Variants in RTTN observed in about 807,000 individuals in gnomAD.
RTTN encodes rotatin.
A neutral mutation model predicts 269.2 loss-of-function variants in RTTN; 182 were observed. The observed-to-expected ratio is 0.68, with a 90% CI of 0.60 to 0.76. RTTN has a LOEUF of 0.76. Ranked by LOEUF, RTTN falls within the 30% of genes least tolerant of loss-of-function variation. The probability of loss-of-function intolerance (pLI) is 0.00; values close to 1 mark genes in which losing one functional copy is unlikely to be tolerated. For synonymous variants in RTTN, 1,006 were observed against 963.5 expected, an observed-to-expected ratio of 1.04 and a Z score of -0.82; for missense variants, 2,545 against 2,608.6, an observed-to-expected ratio of 0.98 and a Z score of 0.53.
intron 21 of RTTN, 101 bp from the exon 22 acceptor site, chr18:70,135,381 A>G: frequency 4.5e-6 from 3 of 663,678 alleles, no homozygotes; most frequent in African/African-American, 1.9e-5. Context: ...GAAATGCAAC[A>G]TAAACCCAGA....
chr18:70,021,981 A>G (rs1342121115), intron 44 of RTTN, among the ~76,000 whole-genome samples: 1 of 152,128 alleles, frequency 6.6e-6, no homozygotes, highest in Non-Finnish European at 1.5e-5. Flanking sequence ...GAAAGTACAA[A>G]AACTTGCTAG....
intron 32 of RTTN, among the ~76,000 whole-genome samples, chr18:70,076,381 A>G (rs1405345358): frequency 1.3e-5 from 2 of 151,994 alleles, no homozygotes; most frequent in African/African-American, 4.8e-5. Flanking sequence ...TACGTTCAAA[A>G]CATATTGCAA....
chr18:70,107,148 A>G (rs2059341115), intron 28 of RTTN, among the ~76,000 whole-genome samples: 1 of 152,234 alleles, frequency 6.6e-6, no homozygotes, highest in Admixed American at 6.5e-5. Flanking sequence ...GGAGAAGCCC[A>G]TGCCGTGCTG....
At chr18:70,166,809 A>G in intron 13 of RTTN, 110 bp downstream of exon 13, 1 of 702,042 alleles carries the variant, frequency 1.4e-6, no homozygotes, top group Non-Finnish European at 2.3e-6. Context: ...CAATTAAACT[A>G]AAAAATAATA....
At chr18:70,028,157 T>G (rs1259339756) in intron 43 of RTTN, among the ~76,000 whole-genome samples, 2 of 152,228 alleles carry the variant, frequency 1.3e-5, no homozygotes, top group Non-Finnish European at 2.9e-5. Context: ...GATTATATCC[T>G]CTATAGTAGT....
intron 32 of RTTN, among the ~76,000 whole-genome samples, chr18:70,080,382 G>T (rs960894273): frequency 9.2e-5 from 14 of 152,238 alleles, no homozygotes; most frequent in African/African-American, 3.4e-4. Flanking sequence ...AGAACACTTT[G>T]CTGTACCAGA....
At chr18:70,186,131 T>A (rs1051156501) in intron 10 of RTTN, among the ~76,000 whole-genome samples, 1 of 149,426 alleles carries the variant, frequency 6.7e-6, no homozygotes, top group Admixed American at 6.7e-5. Context: ...GTGGAACAAC[T>A]GGAATGTCCA....
rs574332191 is a variant in RTTN, at chr18:70,145,867, T to C, written c.2310-84A>G. The C allele has an allele frequency of 1.9e-4, 203 of 1,060,822 alleles. 5 individuals are homozygous for C. In the South Asian group the frequency reaches 3.5e-3, roughly 18 times the overall value. 65.7% of individuals were successfully genotyped at this position (1,060,822 alleles called of 1,614,324 possible). A position where few individuals can be genotyped will look rare whatever the true frequency, so the allele number is the denominator to read the frequency against. ...GGGCTTGTAATTACAAGTAATTATA[T>C]ATCAACAAAGTACAATAAGTAGTCA... On this transcript the variant is annotated intron_variant, in intron 17 of 48. Transcript: ENST00000640769.
At chr18:70,041,479 G>A (rs1325909361) in intron 40 of RTTN, among the ~76,000 whole-genome samples, 1 of 152,066 alleles carries the variant, frequency 6.6e-6, no homozygotes, top group African/African-American at 2.4e-5. Context: ...AGTGGTGAGT[G>A]GGGAAAGCTG....
At chr18:70,010,796 G>T (rs570694038) in intron 46 of RTTN, among the ~76,000 whole-genome samples, 2 of 152,116 alleles carry the variant, frequency 1.3e-5, no homozygotes, top group Non-Finnish European at 2.9e-5. Flanking sequence ...AATGAATCCC[G>T]GAGCTGGTTT....
chr18:70,161,342 T>C (rs1329380688), intron 14 of RTTN, among the ~76,000 whole-genome samples: 1 of 152,076 alleles, frequency 6.6e-6, no homozygotes, highest in Non-Finnish European at 1.5e-5. Context: ...TATATAAAAA[T>C]CAACTCAAAA....
chr18:70,060,033 T>C lies in RTTN; in HGVS notation c.4757A>G (p.Glu1586Gly), dbSNP rs754700829. 1 of 1,609,554 alleles carries C rather than the reference T, an allele frequency of 6.2e-7. No individual in the cohort carries two copies. The highest frequency in any genetic ancestry group is 1.7e-4 in the Middle Eastern group (1 of 6,038). The stretch of plus-strand genomic sequence containing the variant: ...ATGAGGTGGCCGTGGTGATGTACTT[T>C]CCTGGTGACCTATTATTGAAAATAA... ...HDQFVAQGHQ[E>G]STSPRPPHDS... Residue 1586 changes from glutamate to glycine, a missense_variant, in exon 36 of 49, where the codon GAA becomes GGA. Coordinates refer to ENST00000640769, the MANE Select transcript of RTTN (RefSeq NM_173630.4).
chr18:70,102,212 A>T (rs1568382095), intron 28 of RTTN, among the ~76,000 whole-genome samples: 1 of 152,160 alleles, frequency 6.6e-6, no homozygotes, highest in Non-Finnish European at 1.5e-5. Flanking sequence ...GTGGAGTCCA[A>T]GTCTCTTTGT....
chr18:70,039,774 T>C (rs375536437), intron 40 of RTTN, among the ~76,000 whole-genome samples: 4 of 152,218 alleles, frequency 2.6e-5, no homozygotes, highest in South Asian at 2.1e-4. Context: ...ACAAAGACAG[T>C]ACAATAAGAC....
chr18:70,144,046 A>G (rs2060327026), intron 18 of RTTN, among the ~76,000 whole-genome samples: 1 of 152,054 alleles, frequency 6.6e-6, no homozygotes, highest in Non-Finnish European at 1.5e-5. Context: ...TTTTTAGTAG[A>G]GACAGGGTTT....
intron 3 of RTTN, among the ~76,000 whole-genome samples, chr18:70,203,300 T>C (rs1395934094): frequency 6.6e-6 from 1 of 152,058 alleles, no homozygotes; most frequent in Non-Finnish European, 1.5e-5. Flanking sequence ...CCCCCCGGGT[T>C]CAAGTGATTC....
chr18:70,139,216 C>CA (rs1278772232), intron 21 of RTTN, among the ~76,000 whole-genome samples: 1 of 152,112 alleles, frequency 6.6e-6, no homozygotes, highest in Non-Finnish European at 1.5e-5. Flanking sequence ...AATAATCAGA[C>CA]AAAATGTACC....
intron 11 of RTTN, among the ~76,000 whole-genome samples, chr18:70,176,200 G>GATGTAGATGTAT (rs1231392813): frequency 1.8e-3 from 247 of 137,664 alleles, no homozygotes; most frequent in Middle Eastern, 7.3e-3. Flanking sequence ...TGTAGATGTA[G>GATGTAGATGTAT]ATGTATATGT....
In RTTN at chr18:70,075,365, G is replaced by T. The variant is rs776129548; in HGVS notation, c.4551C>A (p.Ser1517Arg). 5.7e-6 allele frequency: 9 copies of T among 1,575,526 alleles called. No individual in the cohort carries two copies. The highest frequency in any genetic ancestry group is 1.7e-4 in the Middle Eastern group (1 of 5,972). ...NFSAFDRNSE[S>R]NDLNGLDDSF... ...TATCGTACTTACCATTTAAATCATT[G>T]CTTTCTGAATTTCTATCAAAAGCAG... The change falls in exon 33 of 49, where the codon AGC becomes AGA. Residue 1517 changes from serine (S) to arginine (R), a missense_variant. Ser to Arg is a moderately radical substitution (Grantham distance 110). Transcript: ENST00000640769.
Sources: gnomAD v4.1 joint callset for allele counts (sites outside exome capture counted in the v4.1 genomes callset) on GRCh38, gnomAD v4.1.1 for gene constraint, MANE v1.5 for transcripts, NCBI Gene and HGNC (gene_info 2026-07-23, HGNC 2026-07-21) for gene names.